Variants in NEDD1 observed in about 807,000 individuals in gnomAD.
NEDD1 encodes NEDD1 gamma-tubulin ring complex targeting factor.
NEDD1 carries 33 observed loss-of-function variants against 74.0 expected under a neutral mutation model. The observed-to-expected ratio is 0.45, with a 90% CI of 0.34 to 0.60. The LOEUF (loss-of-function observed/expected upper bound fraction) is 0.60, where lower values mean the gene tolerates loss of function less well. Ranked by LOEUF, NEDD1 falls within the 20% of genes least tolerant of loss-of-function variation. NEDD1 has a pLI of 0.01. For synonymous variants in NEDD1, 250 were observed against 264.4 expected (o/e 0.95, Z 0.53); for missense variants, 746 against 776.5 (o/e 0.96, Z 0.47).
chr12:96,927,871 TTTTA>T (rs1651135225), intron 6 of NEDD1, among the ~76,000 whole-genome samples: 3 of 152,144 alleles, frequency 2.0e-5, no homozygotes, highest in Admixed American at 2.0e-4. Flanking sequence ...TACAAAGACT[TTTTA>T]TCTAGAAGTG....
chr12:96,910,514 C>T (rs1270853116), intron 3 of NEDD1, among the ~76,000 whole-genome samples: 1 of 152,094 alleles, frequency 6.6e-6, no homozygotes, highest in East Asian at 1.9e-4. Flanking sequence ...TTGGTGAGCT[C>T]CTCAATGTGG....
intron 6 of NEDD1, among the ~76,000 whole-genome samples, chr12:96,927,127 T>C (rs1442710255): frequency 6.6e-6 from 1 of 152,176 alleles, no homozygotes; most frequent in Non-Finnish European, 1.5e-5. Flanking sequence ...ATTTTACTTA[T>C]TGAGAAAAAT....
At chr12:96,937,877 G>C (rs547759024) in intron 9 of NEDD1, among the ~76,000 whole-genome samples, 313 of 152,174 alleles carry the variant, frequency 2.1e-3, no homozygotes, top group Non-Finnish European at 3.3e-3. Flanking sequence ...TTATTGATGT[G>C]TTATATGATA....
chr12:96,908,467 A>G (rs1281309465), intron 2 of NEDD1, among the ~76,000 whole-genome samples: 1 of 152,036 alleles, frequency 6.6e-6, no homozygotes, highest in Non-Finnish European at 1.5e-5. Context: ...CTTTTCTCCC[A>G]TGTACTTTTG....
chr12:96,922,432 A>G (rs1364928406), intron 6 of NEDD1, among the ~76,000 whole-genome samples: 1 of 152,168 alleles, frequency 6.6e-6, no homozygotes, highest in Non-Finnish European at 1.5e-5. Flanking sequence ...AAGCATGACA[A>G]ATTTATAAAT....
chr12:96,929,966 A>C (rs1876200837), intron 6 of NEDD1, among the ~76,000 whole-genome samples: 1 of 152,056 alleles, frequency 6.6e-6, no homozygotes, highest in Non-Finnish European at 1.5e-5. Context: ...CAGATCTGTC[A>C]CAGATTCCTT....
chr12:96,936,004 A>G (rs1877049843), intron 7 of NEDD1, among the ~76,000 whole-genome samples: 2 of 152,272 alleles, frequency 1.3e-5, no homozygotes, highest in South Asian at 4.1e-4. Context: ...TTTATGGAAC[A>G]ATTTACTGAG....
chr12:96,932,974 G>A (rs932269126), intron 6 of NEDD1, among the ~76,000 whole-genome samples: 1 of 151,390 alleles, frequency 6.6e-6, no homozygotes, highest in African/African-American at 2.4e-5. Flanking sequence ...TTTATCTGAA[G>A]GGAACATTTA....
intron 6 of NEDD1, among the ~76,000 whole-genome samples, chr12:96,929,596 CACACATAT>C (rs1876134655): frequency 4.5e-5 from 3 of 67,014 alleles, no homozygotes; most frequent in African/African-American, 2.2e-4. Context: ...CACACACACA[CACACATAT>C]GTGTATATAT....
intron 3 of NEDD1, among the ~76,000 whole-genome samples, chr12:96,910,361 C>G (rs1247345416): frequency 6.6e-6 from 1 of 152,192 alleles, no homozygotes; most frequent in Non-Finnish European, 1.5e-5. Context: ...TGCCCAATAT[C>G]TCCATCTTAC....
At chr12:96,909,176 CA>C (rs71307519) in intron 2 of NEDD1, among the ~76,000 whole-genome samples, 3,082 of 107,514 alleles carry the variant, frequency 0.029, 56 homozygotes, top group African/African-American at 0.068. Context: ...AACTCCGTCT[CA>C]AAAAAAAAAA....
At chr12:96,938,908 C>G (rs984609309) in intron 9 of NEDD1, among the ~76,000 whole-genome samples, 1 of 151,950 alleles carries the variant, frequency 6.6e-6, no homozygotes, top group Non-Finnish European at 1.5e-5. Flanking sequence ...CTGTCACTTC[C>G]GGCCAGGATG....
intron 5 of NEDD1, among the ~76,000 whole-genome samples, chr12:96,918,402 AAT>A (rs2136526359): frequency 2.4e-5 from 1 of 42,484 alleles, no homozygotes; most frequent in Non-Finnish European, 5.1e-5. Flanking sequence ...AAAAAGTTTT[AAT>A]ATGAAAAATA....
In NEDD1 at chr12:96,917,629, G is replaced by T; in HGVS notation, c.240G>T (p.Gln80His). Residue 80 changes from glutamine to histidine, a missense_variant, in exon 5 of 16, where the codon CAG becomes CAT. Gln to His is a conservative substitution (Grantham distance 24). Around this residue, in one of 3 missense-constraint regions of NEDD1, gnomAD observed 706 missense variants for 706.7 expected, o/e 1.00. Coordinates refer to ENST00000266742, the MANE Select transcript of NEDD1 (RefSeq NM_152905.4). ...PLLELAEGQK[Q>H]TCVNLNSTSM... The stretch of plus-strand genomic sequence containing the variant: ...TTTTTTTTTTTAAATAGCAAAAGCA[G>T]ACATGTGTCAATTTAAATTCTACAT... The T allele has an allele frequency of 6.7e-7, 1 of 1,495,556 alleles. No individual in the cohort carries two copies. Among genetic ancestry groups the T allele is most frequent in the South Asian group, 1.5e-5 (1 of 68,898 alleles). 92.6% of individuals were successfully genotyped at this position (1,495,556 alleles called of 1,614,324 possible).
At position 96,913,374 on chromosome 12, in the gene NEDD1, CT is replaced by C. The variant is rs544128918; in HGVS notation, c.231+569del. 1.3e-3 allele frequency among the ~76,000 whole-genome samples: 190 copies of C among 145,778 alleles called. 2 individuals are homozygous for C. Among genetic ancestry groups the C allele is most frequent in the Non-Finnish European group, 1.4e-3 (95 of 65,708 alleles). On this transcript the variant is annotated intron_variant, in intron 4 of 15. Coordinates refer to ENST00000266742, the MANE Select transcript of NEDD1 (RefSeq NM_152905.4). ...TCTCACTACGTACTGTTGCCTTATC[CT>C]TTTTTTTTTTTCTTTTGAGATGGAG... is the stretch of plus-strand genomic sequence containing the variant.
At chr12:96,910,226 G>A (rs2136504756) in intron 3 of NEDD1, among the ~76,000 whole-genome samples, 1 of 115,254 alleles carries the variant, frequency 8.7e-6, no homozygotes, top group Non-Finnish European at 1.9e-5. Context: ...GTTGGTAGTT[G>A]TGGAAATAAT....
chr12:96,931,587 C>T (rs1198200118), intron 6 of NEDD1, among the ~76,000 whole-genome samples: 2 of 152,044 alleles, frequency 1.3e-5, no homozygotes, highest in Non-Finnish European at 2.9e-5. Flanking sequence ...CAATTTTTTT[C>T]ATAAATTAAC....
rs972891472 is a variant in NEDD1, at chr12:96,952,566, G to A, written c.*513G>A. The A allele has an allele frequency of 1.3e-5, 2 of 151,962 alleles. No individual in the cohort carries two copies. The highest frequency in any genetic ancestry group is 3.4e-3 in the Middle Eastern group (1 of 294). The allele number at this position is 151,962 out of a possible 1,614,324, so 9.4% of individuals were successfully genotyped here. ...GTAATTATTTTGTTAACTTGATGAA[G>A]TCAAGTATGACTATTATTTATTGTA... is the stretch of plus-strand genomic sequence containing the variant. On this transcript the variant is annotated 3_prime_UTR_variant, in exon 16 of 16. Coordinates refer to ENST00000266742, the MANE Select transcript of NEDD1 (RefSeq NM_152905.4).
At chr12:96,917,515 A>G in intron 4 of NEDD1, 106 bp from the exon 5 acceptor site, 1 of 1,259,640 alleles carries the variant, frequency 7.9e-7, no homozygotes, top group Non-Finnish European at 1.0e-6. Context: ...TATAGTATTT[A>G]ATTTAACCAA....
Sources: allele counts gnomAD v4.1 joint callset (sites outside exome capture counted in the v4.1 genomes callset), GRCh38; gene constraint gnomAD v4.1.1; regional missense constraint gnomAD v4.1.1; transcripts MANE v1.5; gene names NCBI Gene and HGNC (gene_info 2026-07-23, HGNC 2026-07-21).